The following TRHDE variants were observed in gnomAD, a reference collection of about 807,000 sequenced individuals.
The protein encoded by TRHDE is thyrotropin releasing hormone degrading enzyme.
A neutral mutation model predicts 125.7 loss-of-function variants in TRHDE; 72 were observed. That is an observed-to-expected ratio of 0.57 (90% confidence interval 0.47 to 0.70). TRHDE has a LOEUF of 0.70. TRHDE is among the 30% of genes least tolerant of loss of function. The pLI, the probability that TRHDE is intolerant of heterozygous loss-of-function variation, is 0.00. For missense variants in TRHDE, 1,110 were observed against 1,327.1 expected, an observed-to-expected ratio of 0.84 and a Z score of 2.54; for synonymous variants, 509 against 509.1, an observed-to-expected ratio of 1.00 and a Z score of 0.00.
chr12:72,247,254 A>G (rs575318420), intron 2 of TRHDE, among the ~76,000 whole-genome samples: 2 of 152,336 alleles, frequency 1.3e-5, no homozygotes, highest in East Asian at 1.9e-4. Flanking sequence ...AAATCTGTAC[A>G]TGCTCAGTAC....
At chr12:72,360,398 A>G (rs1871013602) in intron 2 of TRHDE, among the ~76,000 whole-genome samples, 1 of 151,812 alleles carries the variant, frequency 6.6e-6, no homozygotes, top group South Asian at 2.1e-4. Flanking sequence ...TAAATGATCC[A>G]CTGGTAGAAT....
At chr12:72,138,144 AGGTG>A (rs1380211967) in intron 2 of TRHDE, among the ~76,000 whole-genome samples, 2 of 152,160 alleles carry the variant, frequency 1.3e-5, no homozygotes, top group African/African-American at 4.8e-5. Flanking sequence ...TGGGAGACCG[AGGTG>A]GGTGGATCAT....
chr12:72,532,698 G>GT (rs1309465835), intron 6 of TRHDE, among the ~76,000 whole-genome samples: 1 of 150,764 alleles, frequency 6.6e-6, no homozygotes, highest in African/African-American at 2.4e-5. Context: ...ATTATAATAT[G>GT]TTTGCTATTA....
chr12:72,365,824 C>T (rs1871318749), intron 2 of TRHDE, among the ~76,000 whole-genome samples: 1 of 152,128 alleles, frequency 6.6e-6, no homozygotes, highest in Non-Finnish European at 1.5e-5. Flanking sequence ...TATTGTCTTA[C>T]TCTTCTGGAG....
chr12:72,467,075 T>C (rs771734817), intron 3 of TRHDE, among the ~76,000 whole-genome samples: 1 of 152,220 alleles, frequency 6.6e-6, no homozygotes, highest in Non-Finnish European at 1.5e-5. Flanking sequence ...CCCGTTGATA[T>C]CCTATTTACC....
At chr12:72,634,752 T>G in intron 15 of TRHDE, among the ~76,000 whole-genome samples, 1 of 149,754 alleles carries the variant, frequency 6.7e-6, no homozygotes, top group African/African-American at 2.4e-5. Flanking sequence ...ATATGCGGTG[T>G]TTGGTTTTTT....
chr12:72,636,677 C>A (rs1315641545), intron 15 of TRHDE, among the ~76,000 whole-genome samples: 3 of 152,168 alleles, frequency 2.0e-5, no homozygotes, highest in Non-Finnish European at 4.4e-5. Context: ...AAGTACGTCC[C>A]ATCAATACCT....
intron 1 of TRHDE, among the ~76,000 whole-genome samples, chr12:72,097,440 A>ATTTTTTTTTTTTTT (rs869290442): frequency 3.2e-4 from 7 of 21,636 alleles, no homozygotes; most frequent in African/African-American, 5.7e-4. Context: ...TTCTCACTGA[A>ATTTTTTTTTTTTTT]TTTTTTTTTT....
At chr12:72,499,241 C>T (rs368140958) in intron 5 of TRHDE, among the ~76,000 whole-genome samples, 12 of 152,206 alleles carry the variant, frequency 7.9e-5, no homozygotes, top group African/African-American at 2.9e-4. Flanking sequence ...ACTGTTAAAA[C>T]ACAGAGTTCA....
chr12:72,392,319 A>G (rs1490717282), intron 3 of TRHDE, among the ~76,000 whole-genome samples: 2 of 152,194 alleles, frequency 1.3e-5, no homozygotes, highest in African/African-American at 4.8e-5. Flanking sequence ...AGAGTATGGC[A>G]ACCACATGAA....
At chr12:72,586,365 T>A (rs1410221318) in intron 12 of TRHDE, among the ~76,000 whole-genome samples, 1 of 152,216 alleles carries the variant, frequency 6.6e-6, no homozygotes, top group Non-Finnish European at 1.5e-5. Flanking sequence ...AGATTTGAAA[T>A]ACATGATGTT....
intron 1 of TRHDE, among the ~76,000 whole-genome samples, chr12:72,283,539 A>G (rs1592518099): frequency 6.6e-6 from 1 of 152,156 alleles, no homozygotes; most frequent in Non-Finnish European, 1.5e-5. Context: ...ATTCATTAAG[A>G]ATATTAATTG....
Position 72,240,931 on chromosome 12 carries a change from C to T in TRHDE, n.279+135179C>T, listed in dbSNP as rs184588332. On this transcript the variant is annotated intron_variant and non_coding_transcript_variant, in intron 2 of 4. Coordinates refer to the TRHDE transcript ENST00000548156. ...CCGGGCATTATTTTTTCACACATCT[C>T]GATTCAATCTAGAAATTTAGCCATT... Among the ~76,000 whole-genome samples the T allele has an allele frequency of 1.0e-3, 158 of 152,178 alleles. No individual in the cohort carries two copies. The Middle Eastern group carries it at 0.017, about 16-fold the overall frequency.
chr12:72,532,960 C>A (rs1868636496), intron 6 of TRHDE, among the ~76,000 whole-genome samples: 1 of 120,960 alleles, frequency 8.3e-6, no homozygotes, highest in African/African-American at 4.5e-5. Flanking sequence ...TACACAGCAT[C>A]ATAGAAATTG....
intron 2 of TRHDE, among the ~76,000 whole-genome samples, chr12:72,348,451 C>T (rs1674910727): frequency 6.6e-6 from 1 of 151,778 alleles, no homozygotes; most frequent in South Asian, 2.1e-4. Flanking sequence ...GCTATTTGAG[C>T]AACTCTCTAA....
intron 3 of TRHDE, among the ~76,000 whole-genome samples, chr12:72,384,603 C>A (rs2135784121): frequency 6.6e-6 from 1 of 152,006 alleles, no homozygotes; most frequent in Non-Finnish European, 1.5e-5. Context: ...AGAGAAGAGG[C>A]CATTTTGAGA....
At chr12:72,212,754 C>T (rs1414528200) in intron 2 of TRHDE, among the ~76,000 whole-genome samples, 1 of 152,054 alleles carries the variant, frequency 6.6e-6, no homozygotes. Flanking sequence ...ATGGCACAAC[C>T]ACTTTGAAAA....
intron 2 of TRHDE, among the ~76,000 whole-genome samples, chr12:72,164,856 G>A (rs889400421): frequency 2.6e-5 from 4 of 152,174 alleles, no homozygotes; most frequent in Non-Finnish European, 4.4e-5. Context: ...GTTTTTCACA[G>A]ACTAGGAACA....
intron 15 of TRHDE, among the ~76,000 whole-genome samples, chr12:72,649,460 A>G (rs929402360): frequency 3.3e-5 from 5 of 152,082 alleles, no homozygotes; most frequent in South Asian, 2.1e-4. Context: ...AAGAAATCAT[A>G]GGGGAAAACT....
Sources: gnomAD v4.1 joint callset for allele counts (sites outside exome capture counted in the v4.1 genomes callset) on GRCh38, gnomAD v4.1.1 for gene constraint, MANE v1.5 for transcripts, NCBI Gene and HGNC (gene_info 2026-07-23, HGNC 2026-07-21) for gene names.